Variants in ZNF385D observed in about 807,000 individuals in gnomAD.
The protein encoded by ZNF385D is zinc finger protein 659.
A neutral mutation model predicts 35.8 loss-of-function variants in ZNF385D; 15 were observed. That is an observed-to-expected ratio of 0.42 (90% CI 0.28 to 0.64). The LOEUF is 0.64. ZNF385D is among the 30% of genes least tolerant of loss of function. The pLI is 0.23. For missense variants in ZNF385D, 474 were observed against 494.6 expected, an observed-to-expected ratio of 0.96 and a Z score of 0.39; for synonymous variants, 212 against 186.8, an observed-to-expected ratio of 1.13 and a Z score of -1.10.
chr3:21,905,918 A>T (rs370464460), intron 3 of ZNF385D, among the ~76,000 whole-genome samples: 4 of 152,190 alleles, frequency 2.6e-5, no homozygotes, highest in African/African-American at 7.2e-5. Context: ...TTTAAAAAAG[A>T]TTAAAAAGAC....
At chr3:21,848,458 T>C (rs1696157689) in intron 3 of ZNF385D, among the ~76,000 whole-genome samples, 3 of 150,690 alleles carry the variant, frequency 2.0e-5, no homozygotes, top group South Asian at 2.1e-4. Flanking sequence ...ATAAATAAAA[T>C]TGAGTTGGTT....
intron 3 of ZNF385D, among the ~76,000 whole-genome samples, chr3:21,826,319 C>T (rs1172154523): frequency 6.6e-6 from 1 of 152,126 alleles, no homozygotes; most frequent in Non-Finnish European, 1.5e-5. Context: ...TGTGAATTAT[C>T]CGATAACTTG....
intron 4 of ZNF385D, among the ~76,000 whole-genome samples, chr3:21,457,589 C>T (rs1179583699): frequency 2.6e-5 from 4 of 152,094 alleles, no homozygotes; most frequent in Non-Finnish European, 4.4e-5. Context: ...CTCCTGAACT[C>T]GTGATCCACC....
At chr3:21,474,154 G>A (rs1375266566) in intron 4 of ZNF385D, among the ~76,000 whole-genome samples, 5 of 151,818 alleles carry the variant, frequency 3.3e-5, no homozygotes, top group African/African-American at 1.2e-4. Context: ...TTGAGGCATT[G>A]TCTAACTTTT....
chr3:22,294,260 T>C (rs1354505735), intron 2 of ZNF385D, among the ~76,000 whole-genome samples: 1 of 152,060 alleles, frequency 6.6e-6, no homozygotes, highest in African/African-American at 2.4e-5. Context: ...AGGAGGTGGA[T>C]GCAGTTTTAG....
chr3:21,915,669 T>A (rs145870104), intron 3 of ZNF385D, among the ~76,000 whole-genome samples: 1 of 152,226 alleles, frequency 6.6e-6, no homozygotes, highest in African/African-American at 2.4e-5. Flanking sequence ...CAAAGTGCTT[T>A]ATATCCCAGT....
At chr3:22,196,352 TAG>T (rs10589531) in intron 2 of ZNF385D, among the ~76,000 whole-genome samples, 23,511 of 151,988 alleles carry the variant, frequency 0.15, 1,905 homozygotes, top group Middle Eastern at 0.24. Flanking sequence ...CGTTTATATT[TAG>T]AGTGTGTATT....
chr3:21,620,816 A>T (rs1391616505), intron 2 of ZNF385D, among the ~76,000 whole-genome samples: 2 of 152,188 alleles, frequency 1.3e-5, no homozygotes, highest in Non-Finnish European at 2.9e-5. Flanking sequence ...CTCTCGAGGC[A>T]GAATTGACAA....
chr3:22,334,682 T>A (rs1055009351), intron 2 of ZNF385D, among the ~76,000 whole-genome samples: 3 of 152,168 alleles, frequency 2.0e-5, no homozygotes, highest in Non-Finnish European at 4.4e-5. Context: ...GTTTCAGATT[T>A]CATTGTTTTT....
intron 3 of ZNF385D, among the ~76,000 whole-genome samples, chr3:22,011,667 G>A (rs1440944328): frequency 6.6e-6 from 1 of 151,978 alleles, no homozygotes; most frequent in Non-Finnish European, 1.5e-5. Context: ...AATATCTAAT[G>A]ATATAATAAA....
chr3:21,499,652 A>C (rs1559350938), intron 4 of ZNF385D, among the ~76,000 whole-genome samples: 1 of 151,960 alleles, frequency 6.6e-6, no homozygotes, highest in Non-Finnish European at 1.5e-5. Context: ...ATTTGAAAAA[A>C]AAAAACCAAA....
chr3:22,273,354 G>A (rs946471194), intron 2 of ZNF385D, among the ~76,000 whole-genome samples: 3 of 151,930 alleles, frequency 2.0e-5, no homozygotes, highest in African/African-American at 7.2e-5. Flanking sequence ...GGAAATTAAA[G>A]CAGATATATT....
intron 3 of ZNF385D, among the ~76,000 whole-genome samples, chr3:22,089,322 A>G (rs2125598373): frequency 6.6e-6 from 1 of 152,356 alleles, no homozygotes; most frequent in East Asian, 1.9e-4. Flanking sequence ...GCCATAAATT[A>G]ATTGACTCTC....
chr3:21,514,423 T>G (rs114007385), intron 3 of ZNF385D, among the ~76,000 whole-genome samples: 1,780 of 152,256 alleles, frequency 0.012, 34 homozygotes, highest in African/African-American at 0.041. Context: ...TTTATTAAAT[T>G]GAATTAAGTT....
intron 2 of ZNF385D, among the ~76,000 whole-genome samples, chr3:22,269,480 G>A (rs375652304): frequency 1.3e-4 from 19 of 151,940 alleles, no homozygotes; most frequent in Admixed American, 8.5e-4. Context: ...CTAGGAAACA[G>A]CCAAGGAAGT....
At chr3:22,181,810 G>A (rs1695298728) in intron 2 of ZNF385D, among the ~76,000 whole-genome samples, 1 of 151,148 alleles carries the variant, frequency 6.6e-6, no homozygotes, top group African/African-American at 2.4e-5. Context: ...TAGCTTTAAA[G>A]AAGCAAGCTG....
intron 3 of ZNF385D, among the ~76,000 whole-genome samples, chr3:22,019,067 T>TTTTA (rs1697069433): frequency 1.6e-5 from 2 of 125,206 alleles, no homozygotes; most frequent in South Asian, 2.6e-4. Flanking sequence ...TTTTTTTTTT[T>TTTTA]ATGAAGGAGG....
intron 3 of ZNF385D, among the ~76,000 whole-genome samples, chr3:21,794,957 G>T (rs1326318237): frequency 1.3e-5 from 2 of 152,030 alleles, no homozygotes; most frequent in African/African-American, 2.4e-5. Flanking sequence ...CAAATCATAG[G>T]TGCCTATCTA....
chr3:22,326,559 C>G (rs1031829188), intron 2 of ZNF385D, among the ~76,000 whole-genome samples: 1 of 151,912 alleles, frequency 6.6e-6, no homozygotes, highest in African/African-American at 2.4e-5. Flanking sequence ...CAAGGTAGAA[C>G]GGGAAAAGAA....
Sources: gnomAD v4.1 joint callset for allele counts (sites outside exome capture counted in the v4.1 genomes callset) on GRCh38, gnomAD v4.1.1 for gene constraint, MANE v1.5 for transcripts, NCBI Gene and HGNC (gene_info 2026-07-23, HGNC 2026-07-21) for gene names.